Variants in PIEZO2 observed in about 807,000 individuals in gnomAD.
PIEZO2 encodes piezo type mechanosensitive ion channel component 2.
Under a neutral mutation model 337.3 loss-of-function variants are expected in PIEZO2, and 172 were observed. That is an observed-to-expected ratio of 0.51 (90% CI 0.45 to 0.58). The LOEUF (loss-of-function observed/expected upper bound fraction) is 0.58, where lower values mean the gene tolerates loss of function less well. Ranked by LOEUF, PIEZO2 falls within the 20% of genes least tolerant of loss-of-function variation. The pLI is 0.00. For missense variants in PIEZO2, 3,028 were observed against 3,391.3 expected (o/e 0.89, Z 2.66); for synonymous variants, 1,251 against 1,228.5 (o/e 1.02, Z -0.38).
chr18:10,937,629 G>C (rs979364878), intron 3 of PIEZO2, among the ~76,000 whole-genome samples: 17 of 152,266 alleles, frequency 1.1e-4, no homozygotes, highest in South Asian at 2.1e-4. Flanking sequence ...AAAACATCAA[G>C]CTGGATTCCC....
At chr18:10,681,861 GT>G in intron 50 of PIEZO2, 108 bp from the exon 51 acceptor site, 1 of 1,016,906 alleles carries the variant, frequency 9.8e-7, no homozygotes, top group Non-Finnish European at 1.5e-6. Context: ...TGTAGGCTAT[GT>G]TTATCCCATG....
At chr18:10,845,666 C>A (rs1482422670) in intron 7 of PIEZO2, among the ~76,000 whole-genome samples, 1 of 152,064 alleles carries the variant, frequency 6.6e-6, no homozygotes, top group Non-Finnish European at 1.5e-5. Flanking sequence ...AAGACCAGGA[C>A]CCCCACATTA....
intron 1 of PIEZO2, among the ~76,000 whole-genome samples, chr18:11,084,112 G>A (rs1308955476): frequency 6.7e-6 from 1 of 149,956 alleles, no homozygotes; most frequent in Non-Finnish European, 1.5e-5. Flanking sequence ...GGGGGGTGGA[G>A]GCTGCAGTGA....
rs1294259157 is a variant in PIEZO2, at chr18:11,132,831, C to A, written c.64+15694G>T. Among the ~76,000 whole-genome samples, 1 of 152,130 alleles carries A rather than the reference C, an allele frequency of 6.6e-6. No homozygotes were observed. The highest frequency in any genetic ancestry group is 6.6e-5 in the Admixed American group (1 of 15,266). ...GAATCACTGGGTCATCTCCAGCATG[C>A]ATGGAATACAGGAGATCCATTAGGG... On this transcript the variant is annotated intron_variant, in intron 1 of 55. Coordinates refer to ENST00000674853, the MANE Select transcript of PIEZO2 (RefSeq NM_001378183.1). The surrounding 1 kb of genome is among the most constrained non-coding windows in gnomAD (Gnocchi z 4.7).
At chr18:10,761,225 C>A in intron 23 of PIEZO2, 114 bp from the exon 24 acceptor site, 2 of 928,948 alleles carry the variant, frequency 2.2e-6, no homozygotes, top group Non-Finnish European at 3.2e-6. Context: ...AAGCTCACCT[C>A]TCTTAAGCAG....
At chr18:10,769,891 T>A in intron 21 of PIEZO2, 1 of 348,874 alleles carries the variant, frequency 2.9e-6, no homozygotes, top group Non-Finnish European at 5.1e-6. Flanking sequence ...GCTCTCACAC[T>A]CTTCCCTAAG....
Position 11,001,083 on chromosome 18 carries a change from T to C in PIEZO2, c.161-21423A>G, listed in dbSNP as rs924010210. On this transcript the variant is annotated intron_variant, in intron 2 of 55. Coordinates refer to ENST00000674853, the MANE Select transcript of PIEZO2 (RefSeq NM_001378183.1). The surrounding 1 kb of genome is among the most constrained non-coding windows in gnomAD (Gnocchi z 5.3). ...TTAGGAGTCATGAGTCAACCACCCC[T>C]GGAACCTGGAAGAATATGTGTCTTG... Among the ~76,000 whole-genome samples the C allele has an allele frequency of 3.3e-5, 5 of 152,184 alleles. No homozygotes were observed. The highest frequency in any genetic ancestry group is 1.3e-4 in the Admixed American group (2 of 15,282).
Position 10,940,019 on chromosome 18 carries a change from ATATGAC to A in PIEZO2, c.287-28797_287-28792del, listed in dbSNP as rs2032640390. Among the ~76,000 whole-genome samples the A allele has an allele frequency of 6.6e-6, 1 of 152,204 alleles. No individual in the cohort carries two copies. Among genetic ancestry groups the A allele is most frequent in the Non-Finnish European group, 1.5e-5 (1 of 68,040 alleles). ...TATTATGTATACTCTAGGGACATAT[ATATGAC>A]TATGTTAGTTCCTTATTATCTATAC... On this transcript the variant is annotated intron_variant, in intron 3 of 55. Transcript: ENST00000674853. The surrounding 1 kb of genome is among the most constrained non-coding windows in gnomAD (Gnocchi z 5.3).
At chr18:11,055,110 C>A (rs1197433197) in intron 2 of PIEZO2, among the ~76,000 whole-genome samples, 1 of 148,304 alleles carries the variant, frequency 6.7e-6, no homozygotes, top group African/African-American at 2.5e-5. Context: ...ACTCGGGAGG[C>A]TGAGGCAGGA....
intron 2 of PIEZO2, among the ~76,000 whole-genome samples, chr18:10,987,671 GGCAACAGAA>G (rs1342582984): frequency 6.6e-6 from 1 of 151,952 alleles, no homozygotes; most frequent in Non-Finnish European, 1.5e-5. Flanking sequence ...CAAAAGCACA[GGCAACAGAA>G]GCAAAAATAA....
intron 4 of PIEZO2, among the ~76,000 whole-genome samples, chr18:10,879,464 C>T (rs556374713): frequency 6.7e-5 from 9 of 133,520 alleles, no homozygotes; most frequent in African/African-American, 2.0e-4. Flanking sequence ...AGTGCGATCT[C>T]GGCTCACTGC....
chr18:10,811,257 C>T (rs558991646), intron 7 of PIEZO2, among the ~76,000 whole-genome samples: 5 of 152,274 alleles, frequency 3.3e-5, no homozygotes, highest in African/African-American at 4.8e-5. Context: ...TCAGTTTTCC[C>T]TATGCCTCCA....
chr18:10,734,786 G>C (rs565252601), intron 35 of PIEZO2, among the ~76,000 whole-genome samples: 1 of 152,120 alleles, frequency 6.6e-6, no homozygotes, highest in Non-Finnish European at 1.5e-5. Context: ...ACTGGAAGAC[G>C]GAGACTGAAA....
chr18:11,107,903 T>G (rs1330305934), intron 1 of PIEZO2, among the ~76,000 whole-genome samples: 1 of 152,214 alleles, frequency 6.6e-6, no homozygotes, highest in Non-Finnish European at 1.5e-5. Flanking sequence ...CGGCTTTAAG[T>G]ACACAGTATA....
intron 49 of PIEZO2, among the ~76,000 whole-genome samples, chr18:10,687,966 T>C (rs1370918758): frequency 6.6e-6 from 1 of 152,196 alleles, no homozygotes; most frequent in Non-Finnish European, 1.5e-5. Context: ...AATAAAATGA[T>C]TGTTTATTTT....
Position 10,714,629 on chromosome 18 carries a change from C to T in PIEZO2, c.5423+135G>A, listed in dbSNP as rs894866321. 56 of 961,674 alleles carry T rather than the reference C, an allele frequency of 5.8e-5. No homozygotes were observed. The African/African-American group carries it at 6.4e-4, about 11-fold the overall frequency. The allele number at this position is 961,674 out of a possible 1,614,324, so 59.6% of individuals were successfully genotyped here. A position where few individuals can be genotyped will look rare whatever the true frequency, so the allele number is the denominator to read the frequency against. On this transcript the variant is annotated intron_variant, in intron 39 of 55. Coordinates refer to ENST00000674853, the MANE Select transcript of PIEZO2 (RefSeq NM_001378183.1). ...TCCTTATAGTTTGTTGTACAGATGG[C>T]GACAGCTGGAAGAGGGTGGGGGTCC...
chr18:10,715,716 C>T lies in PIEZO2; in HGVS notation c.5190G>A (p.Arg1730=), dbSNP rs895436533. ...SFTTWLNSIS[R]EHIDISTVLR... ...GAACTGTAGATATATCAATATGCTC[C>T]CTTGAAATGGAGTTAAGCCAAGTAG... The change falls in exon 38 of 56, where the codon AGG becomes AGA. Residue 1730 remains arginine, a synonymous_variant. Transcript: ENST00000674853. 6.5e-7 allele frequency: 1 copy of T among 1,536,668 alleles called. No homozygotes were observed. The highest frequency in any genetic ancestry group is 1.4e-5 in the African/African-American group (1 of 73,092).
At chr18:10,841,647 C>T (rs951306494) in intron 7 of PIEZO2, among the ~76,000 whole-genome samples, 1 of 152,150 alleles carries the variant, frequency 6.6e-6, no homozygotes, top group Non-Finnish European at 1.5e-5. Flanking sequence ...AAAATAAAAG[C>T]TGAATGGGGG....
At chr18:10,798,227 G>C (rs1189416188) in intron 11 of PIEZO2, among the ~76,000 whole-genome samples, 1 of 152,238 alleles carries the variant, frequency 6.6e-6, no homozygotes, top group Non-Finnish European at 1.5e-5. Context: ...TCCAGAGAAA[G>C]TGTGTCATAC....
Sources: allele counts gnomAD v4.1 joint callset (sites outside exome capture counted in the v4.1 genomes callset), GRCh38; gene constraint gnomAD v4.1.1; non-coding constraint Gnocchi (gnomAD v3.1); transcripts MANE v1.5; gene names NCBI Gene and HGNC (gene_info 2026-07-23, HGNC 2026-07-21).